NBEA: variants seen among roughly 807,000 people sequenced by gnomAD.
NBEA encodes neurobeachin.
A neutral mutation model predicts 343.4 loss-of-function variants in NBEA; 44 were observed. The observed-to-expected ratio is 0.13, with a 90% CI of 0.10 to 0.16. NBEA has a LOEUF of 0.16. Ranked by LOEUF, NBEA falls within the 10% of genes least tolerant of loss-of-function variation. The pLI, the probability that NBEA is intolerant of heterozygous loss-of-function variation, is 1.00. For synonymous variants in NBEA, 1,175 were observed against 1,238.7 expected, an observed-to-expected ratio of 0.95 and a Z score of 1.08; for missense variants, 2,555 against 3,631.3, an observed-to-expected ratio of 0.70 and a Z score of 7.62.
intron 41 of NBEA, among the ~76,000 whole-genome samples, chr13:35,549,801 A>C (rs2079226084): frequency 6.6e-6 from 1 of 152,232 alleles, no homozygotes; most frequent in African/African-American, 2.4e-5. Flanking sequence ...AATTTGGGGA[A>C]GCAGGGAATA....
chr13:35,618,046 T>C (rs745474384), intron 48 of NBEA, among the ~76,000 whole-genome samples: 15 of 152,228 alleles, frequency 9.9e-5, no homozygotes, highest in Non-Finnish European at 1.8e-4. Context: ...TTAGTTCTTA[T>C]GAAATAGCTT....
At chr13:35,526,395 C>G (rs190548316) in intron 41 of NBEA, among the ~76,000 whole-genome samples, 2 of 152,182 alleles carry the variant, frequency 1.3e-5, no homozygotes, top group Admixed American at 1.3e-4. Flanking sequence ...ATTGTAATCT[C>G]AGCACTTTAG....
chr13:35,310,508 G>T (rs771261161), intron 36 of NBEA, among the ~76,000 whole-genome samples: 15 of 152,134 alleles, frequency 9.9e-5, no homozygotes, highest in Non-Finnish European at 1.9e-4. Context: ...CACAAAGGTT[G>T]TATATTCTAT....
chr13:35,077,382 C>T (rs1195510051), intron 10 of NBEA, among the ~76,000 whole-genome samples: 1 of 152,044 alleles, frequency 6.6e-6, no homozygotes, highest in Non-Finnish European at 1.5e-5. Context: ...ATTTCTATTG[C>T]TTTTGATTTT....
chr13:34,996,430 G>T (rs901259491), intron 1 of NBEA, among the ~76,000 whole-genome samples: 8 of 151,774 alleles, frequency 5.3e-5, no homozygotes, highest in African/African-American at 1.9e-4. Context: ...ATCTGAAATG[G>T]TAGTCAGAGG....
chr13:35,608,600 A>G (rs1222481784), intron 48 of NBEA, among the ~76,000 whole-genome samples: 3 of 152,188 alleles, frequency 2.0e-5, no homozygotes, highest in Non-Finnish European at 4.4e-5. Context: ...TTCTGAGTGA[A>G]TGAATGAATT....
chr13:35,222,638 T>C (rs2074432582), intron 33 of NBEA, among the ~76,000 whole-genome samples: 1 of 152,128 alleles, frequency 6.6e-6, no homozygotes, highest in African/African-American at 2.4e-5. Context: ...ATGCTTAAAA[T>C]AAAAGACAAC....
At chr13:35,559,930 CAAAAAAAAA>C (rs34700584) in intron 44 of NBEA, among the ~76,000 whole-genome samples, 189 of 108,966 alleles carry the variant, frequency 1.7e-3, no homozygotes, top group Non-Finnish European at 2.6e-3. Context: ...GACTCCGTCT[CAAAAAAAAA>C]AAAAAAAAAA....
intron 51 of NBEA, among the ~76,000 whole-genome samples, chr13:35,647,965 T>TCCTAGGCTCA (rs1447387295): frequency 2.6e-5 from 4 of 152,068 alleles, no homozygotes; most frequent in African/African-American, 9.7e-5. Flanking sequence ...AGCCTCAAAC[T>TCCTAGGCTCA]CCTAGGCTCA....
chr13:35,255,620 G>C (rs970622088), intron 34 of NBEA, among the ~76,000 whole-genome samples: 16 of 152,342 alleles, frequency 1.1e-4, no homozygotes, highest in African/African-American at 3.8e-4. Flanking sequence ...ACCCATGTCT[G>C]GATGAGGGCA....
Position 35,646,322 on chromosome 13 carries a change from C to T in NBEA, c.7744C>T (p.Pro2582Ser), listed in dbSNP as rs746294764. 4 of 1,613,722 alleles carry T rather than the reference C, an allele frequency of 2.5e-6. No homozygotes were observed. Among genetic ancestry groups the T allele is most frequent in the Non-Finnish European group, 8.5e-7 (1 of 1,179,760 alleles). Residue 2582 changes from proline to serine, a missense_variant, in exon 51 of 59, where the codon CCG becomes TCG. Coordinates refer to ENST00000379939, the MANE Select transcript of NBEA (RefSeq NM_001385012.1). ...TPSQLLIEPHPPRSSAMHLCF... is the reference protein window; with the variant it reads ...TPSQLLIEPHSPRSSAMHLCF... ...ATCTCAGTTGCTTATTGAGCCACAT[C>T]CGCCTCGGAGCTCTGCCATGCACCT...
chr13:35,435,956 G>C (rs1434615441), intron 39 of NBEA, among the ~76,000 whole-genome samples: 1 of 151,622 alleles, frequency 6.6e-6, no homozygotes, highest in Non-Finnish European at 1.5e-5. Flanking sequence ...CTTGACCCAA[G>C]GAAATGACTT....
At chr13:35,650,606 G>T (rs1245691076) in intron 52 of NBEA, among the ~76,000 whole-genome samples, 3 of 152,192 alleles carry the variant, frequency 2.0e-5, no homozygotes, top group African/African-American at 7.2e-5. Flanking sequence ...GGAGGCTGAG[G>T]CAGGAGAAAC....
At chr13:35,129,181 G>A (rs1168452079) in intron 17 of NBEA, among the ~76,000 whole-genome samples, 1 of 152,076 alleles carries the variant, frequency 6.6e-6, no homozygotes, top group African/African-American at 2.4e-5. Context: ...TGCATGTTGT[G>A]TACATGTACC....
chr13:35,338,463 A>G (rs1174485309), intron 36 of NBEA, among the ~76,000 whole-genome samples: 1 of 152,066 alleles, frequency 6.6e-6, no homozygotes, highest in Admixed American at 6.6e-5. Context: ...TGAGTTAGTA[A>G]TTTAGCAAAA....
At chr13:35,481,941 A>C (rs1008400783) in intron 41 of NBEA, among the ~76,000 whole-genome samples, 2 of 151,830 alleles carry the variant, frequency 1.3e-5, no homozygotes, top group Non-Finnish European at 3.0e-5. Flanking sequence ...GTTAATCCCT[A>C]CATCTGTACT....
At chr13:35,511,165 T>C (rs2077259070) in intron 41 of NBEA, among the ~76,000 whole-genome samples, 1 of 152,206 alleles carries the variant, frequency 6.6e-6, no homozygotes, top group African/African-American at 2.4e-5. Flanking sequence ...GCTTGGGCTA[T>C]TCCTGAAAAT....
At chr13:35,253,899 T>G (rs891801932) in intron 34 of NBEA, among the ~76,000 whole-genome samples, 1 of 152,188 alleles carries the variant, frequency 6.6e-6, no homozygotes, top group South Asian at 2.1e-4. Flanking sequence ...TCATCTGATA[T>G]CCTTACACTT....
intron 38 of NBEA, among the ~76,000 whole-genome samples, chr13:35,388,245 A>C (rs1408393182): frequency 4.6e-5 from 7 of 152,174 alleles, no homozygotes; most frequent in Admixed American, 4.6e-4. Flanking sequence ...ATGTAAAGAA[A>C]TTTATTACAT....
Sources: gnomAD v4.1 joint callset for allele counts (sites outside exome capture counted in the v4.1 genomes callset) on GRCh38, gnomAD v4.1.1 for gene constraint, MANE v1.5 for transcripts, NCBI Gene and HGNC (gene_info 2026-07-23, HGNC 2026-07-21) for gene names.